Variants in PLCL2 observed in about 807,000 individuals in gnomAD.
PLCL2 encodes the protein phospholipase C like 2.
In PLCL2, 4 loss-of-function variants were observed where a neutral mutation model predicts 79.6. The observed-to-expected ratio is 0.05, with a 90% CI of 0.02 to 0.11. The LOEUF (loss-of-function observed/expected upper bound fraction) is 0.11, where lower values mean the gene tolerates loss of function less well. PLCL2 is among the 10% of genes least tolerant of loss of function. The pLI is 1.00. For missense variants in PLCL2, 895 were observed against 1,291.0 expected, an observed-to-expected ratio of 0.69 and a Z score of 4.70; for synonymous variants, 484 against 457.7, an observed-to-expected ratio of 1.06 and a Z score of -0.73.
intron 4 of PLCL2, among the ~76,000 whole-genome samples, chr3:17,047,175 C>T (rs1375927017): frequency 2.0e-5 from 3 of 151,948 alleles, no homozygotes; most frequent in South Asian, 2.1e-4. Context: ...AAACTAAATT[C>T]GAAGAAAAAA....
chr3:16,987,198 C>T (rs2124992633), intron 1 of PLCL2, among the ~76,000 whole-genome samples: 1 of 152,200 alleles, frequency 6.6e-6, no homozygotes, highest in Admixed American at 6.6e-5. Context: ...TCCTAGCAGG[C>T]AGAGCCAGAC....
chr3:16,890,472 C>T (rs890552954), intron 1 of PLCL2, among the ~76,000 whole-genome samples: 1 of 152,128 alleles, frequency 6.6e-6, no homozygotes, highest in African/African-American at 2.4e-5. Flanking sequence ...CTTCAATATT[C>T]AACAAAATAG....
intron 4 of PLCL2, among the ~76,000 whole-genome samples, chr3:17,060,828 T>C (rs2064945098): frequency 6.6e-6 from 1 of 152,226 alleles, no homozygotes; most frequent in South Asian, 2.1e-4. Flanking sequence ...TACACCTAAT[T>C]TGGGGAATTG....
chr3:16,922,540 C>T (rs539615535), intron 1 of PLCL2, among the ~76,000 whole-genome samples: 1 of 152,154 alleles, frequency 6.6e-6, no homozygotes, highest in East Asian at 1.9e-4. Context: ...TGCATTTATA[C>T]TCTTCCTATG....
Position 16,928,113 on chromosome 3 carries a change from G to A in PLCL2, c.327+42747G>A, listed in dbSNP as rs139617453. Among the ~76,000 whole-genome samples the A allele has an allele frequency of 9.2e-3, 1,403 of 152,330 alleles. 13 individuals carry two copies. The highest frequency in any genetic ancestry group is 0.015 in the Non-Finnish European group (1,024 of 68,026). The stretch of plus-strand genomic sequence containing the variant: ...ACCTAATTTCATAATTGCTGTGTGA[G>A]CATGTACTGCATGCTAGCTCCTATG... On this transcript the variant is annotated intron_variant, in intron 1 of 5. Transcript: ENST00000615277.
chr3:16,983,074 T>G (rs541405253), intron 1 of PLCL2, among the ~76,000 whole-genome samples: 1 of 152,348 alleles, frequency 6.6e-6, no homozygotes, highest in South Asian at 2.1e-4. Flanking sequence ...ATATACTAAA[T>G]AACATTTTGA....
intron 2 of PLCL2, among the ~76,000 whole-genome samples, chr3:17,013,072 T>C (rs990552048): frequency 1.3e-5 from 2 of 152,188 alleles, no homozygotes; most frequent in African/African-American, 4.8e-5. Context: ...AATAAGGAAA[T>C]TTGTTTTCTT....
At chr3:17,021,514 A>G (rs1575590906) in intron 3 of PLCL2, among the ~76,000 whole-genome samples, 1 of 152,154 alleles carries the variant, frequency 6.6e-6, no homozygotes, top group East Asian at 1.9e-4. Context: ...GGTAATTGTA[A>G]GATTTTCCTT....
At chr3:16,937,897 A>C (rs1229672236) in intron 1 of PLCL2, among the ~76,000 whole-genome samples, 1 of 152,214 alleles carries the variant, frequency 6.6e-6, no homozygotes, top group Admixed American at 6.5e-5. Flanking sequence ...TTAATTTTGG[A>C]TAACAGGTTA....
intron 1 of PLCL2, among the ~76,000 whole-genome samples, chr3:17,001,031 AT>A (rs1268387373): frequency 1.3e-5 from 2 of 151,956 alleles, no homozygotes; most frequent in Non-Finnish European, 1.5e-5. Context: ...ACTAATTTAC[AT>A]TTCCACTAAC....
At chr3:16,923,082 G>A (rs181596462) in intron 1 of PLCL2, among the ~76,000 whole-genome samples, 1 of 152,174 alleles carries the variant, frequency 6.6e-6, no homozygotes, top group East Asian at 1.9e-4. Flanking sequence ...AAATAAGCTC[G>A]GCTCCCCCAC....
At chr3:17,006,904 T>C (rs1329498688) in intron 1 of PLCL2, among the ~76,000 whole-genome samples, 1 of 152,232 alleles carries the variant, frequency 6.6e-6, no homozygotes, top group Non-Finnish European at 1.5e-5. Flanking sequence ...GAAACCTGTT[T>C]ATCTGAAATG....
chr3:17,036,135 C>G (rs1018016121), intron 3 of PLCL2, among the ~76,000 whole-genome samples: 1 of 152,092 alleles, frequency 6.6e-6, no homozygotes, highest in South Asian at 2.1e-4. Context: ...TATGGCAGAC[C>G]TCGGCCCCTG....
At chr3:16,956,977 C>G (rs1430706224) in intron 1 of PLCL2, among the ~76,000 whole-genome samples, 5 of 152,148 alleles carry the variant, frequency 3.3e-5, no homozygotes, top group African/African-American at 1.2e-4. Context: ...TTTCAAAAAA[C>G]CAGCTCCTGG....
In PLCL2 at chr3:16,886,692, G is replaced by A. The variant is rs114281846; in HGVS notation, c.327+1326G>A. Among the ~76,000 whole-genome samples the A allele has an allele frequency of 7.4e-3, 1,129 of 152,316 alleles. 14 individuals carry two copies. The highest frequency in any genetic ancestry group is 0.026 in the African/African-American group (1,084 of 41,564). On this transcript the variant is annotated intron_variant, in intron 1 of 5. Transcript: ENST00000615277. The surrounding 1 kb of genome is among the most constrained non-coding windows in gnomAD (Gnocchi z 4.2). ...GTAGAGATAAACTAAGGAAAGTAAAGTGTCTTTTTGCTGCATACATAGCTT... is the reference window on the plus strand; with the variant it reads ...GTAGAGATAAACTAAGGAAAGTAAAATGTCTTTTTGCTGCATACATAGCTT...
intron 1 of PLCL2, among the ~76,000 whole-genome samples, chr3:16,898,694 T>A (rs1696543310): frequency 6.6e-6 from 1 of 152,176 alleles, no homozygotes; most frequent in Admixed American, 6.5e-5. Context: ...GCTTAGAAGA[T>A]ACCACCAAAA....
intron 2 of PLCL2, among the ~76,000 whole-genome samples, chr3:17,012,811 C>A (rs765619689): frequency 6.6e-6 from 1 of 152,308 alleles, no homozygotes; most frequent in Non-Finnish European, 1.5e-5. Context: ...TACGCTAGGA[C>A]CCCTGAGTGA....
At chr3:16,949,768 T>A (rs2063634312) in intron 1 of PLCL2, among the ~76,000 whole-genome samples, 1 of 152,242 alleles carries the variant, frequency 6.6e-6, no homozygotes, top group African/African-American at 2.4e-5. Context: ...TCTGCTTATA[T>A]GTTATTTTAG....
At position 16,964,416 on chromosome 3, in the gene PLCL2, A is replaced by G. The variant is rs547726710; in HGVS notation, c.328-45258A>G. Reference sequence around the variant, plus strand: ...GTGCCACATTTTCTTAATCCAGTCTATCATTGATGGGCATTTGGGTTGGTT... The same window carrying G: ...GTGCCACATTTTCTTAATCCAGTCTGTCATTGATGGGCATTTGGGTTGGTT... On this transcript the variant is annotated intron_variant, in intron 1 of 5. Coordinates refer to ENST00000615277, the MANE Select transcript of PLCL2 (RefSeq NM_001144382.2). Among the ~76,000 whole-genome samples, 11 of 152,222 alleles carry G rather than the reference A, an allele frequency of 7.2e-5. No homozygotes were observed. The South Asian group carries it at 1.5e-3, about 20-fold the overall frequency.
Sources: gnomAD v4.1 joint callset for allele counts (sites outside exome capture counted in the v4.1 genomes callset) on GRCh38, gnomAD v4.1.1 for gene constraint, Gnocchi (gnomAD v3.1) non-coding constraint, MANE v1.5 for transcripts, NCBI Gene and HGNC (gene_info 2026-07-23, HGNC 2026-07-21) for gene names.